Variants in PDE3A observed in about 807,000 individuals in gnomAD.
PDE3A encodes the protein phosphodiesterase 3A.
PDE3A carries 43 observed loss-of-function variants against 98.3 expected under a neutral mutation model. That is an observed-to-expected ratio of 0.44 (90% confidence interval 0.34 to 0.56). The LOEUF is 0.56. Ranked by LOEUF, PDE3A falls within the 20% of genes least tolerant of loss-of-function variation. The pLI is 0.01. For synonymous variants in PDE3A, 663 were observed against 567.9 expected (o/e 1.17, Z -2.38); for missense variants, 1,427 against 1,440.7 (o/e 0.99, Z 0.15).
intron 2 of PDE3A, among the ~76,000 whole-genome samples, chr12:20,579,932 A>C (rs1239583216): frequency 2.0e-5 from 3 of 152,208 alleles, no homozygotes; most frequent in Non-Finnish European, 2.9e-5. Context: ...AAAAGTACCA[A>C]CTGAAAGGCT....
At chr12:20,426,358 T>C (rs1364790309) in intron 1 of PDE3A, among the ~76,000 whole-genome samples, 2 of 152,090 alleles carry the variant, frequency 1.3e-5, no homozygotes, top group Non-Finnish European at 2.9e-5. Context: ...ATGTTGCAAC[T>C]GCTTAAAAGA....
rs74065095 is a variant in PDE3A, at chr12:20,443,676, A to G, written c.960+73432A>G. On this transcript the variant is annotated intron_variant, in intron 1 of 15. Transcript: ENST00000359062. ...AGTAATTATGTTGAAAATTATAAACAGAGGCATTAGCATAAATTAAGGATT... is the reference window on the plus strand; with the variant it reads ...AGTAATTATGTTGAAAATTATAAACGGAGGCATTAGCATAAATTAAGGATT... Among the ~76,000 whole-genome samples, 1,176 of 152,324 alleles carry G rather than the reference A, an allele frequency of 7.7e-3. 10 individuals carry two copies. The highest frequency in any genetic ancestry group is 0.027 in the African/African-American group (1,125 of 41,580).
intron 1 of PDE3A, among the ~76,000 whole-genome samples, chr12:20,383,815 C>T (rs1293769542): frequency 2.0e-5 from 3 of 151,886 alleles, no homozygotes; most frequent in Non-Finnish European, 1.5e-5. Context: ...CTGCAAGACT[C>T]GTTCTGAGGC....
At position 20,687,071 on chromosome 12, in the gene PDE3A, T is replaced by G. The variant is rs1945986102; in HGVS notation, c.*6800T>G. ...GTTTGAAAACTGCTACTTGAATAAC[T>G]TTTGAAGAGAAAGATTTTCTTTCCG... On this transcript the variant is annotated 3_prime_UTR_variant, in exon 16 of 16. Transcript: ENST00000359062. Among the ~76,000 whole-genome samples the G allele has an allele frequency of 6.6e-6, 1 of 152,138 alleles. No individual in the cohort carries two copies. The highest frequency in any genetic ancestry group is 6.5e-5 in the Admixed American group (1 of 15,268).
At chr12:20,661,874 C>G (rs1159310635) in intron 15 of PDE3A, among the ~76,000 whole-genome samples, 2 of 144,252 alleles carry the variant, frequency 1.4e-5, no homozygotes, top group Non-Finnish European at 3.1e-5. Flanking sequence ...AGAGTTACTA[C>G]TGGGGCAGTG....
chr12:20,465,656 G>T (rs943934914), intron 1 of PDE3A, among the ~76,000 whole-genome samples: 1 of 152,052 alleles, frequency 6.6e-6, no homozygotes, highest in Admixed American at 6.6e-5. Context: ...TAATCTGCCC[G>T]CCTCAGCCTC....
intron 1 of PDE3A, among the ~76,000 whole-genome samples, chr12:20,556,041 A>G (rs1386977173): frequency 1.3e-5 from 2 of 151,958 alleles, no homozygotes; most frequent in African/African-American, 4.8e-5. Flanking sequence ...TAATATTCTT[A>G]ATGTTAAATG....
intron 1 of PDE3A, among the ~76,000 whole-genome samples, chr12:20,472,828 A>G (rs184595207): frequency 1.3e-5 from 2 of 152,340 alleles, no homozygotes; most frequent in Admixed American, 6.5e-5. Flanking sequence ...ATCTAAAGGC[A>G]TTAAATATCT....
intron 6 of PDE3A, 48 bp downstream of exon 6, chr12:20,630,175 T>A (rs911351289): frequency 1.5e-6 from 2 of 1,359,068 alleles, no homozygotes; most frequent in African/African-American, 2.9e-5. Context: ...ACGATGATAG[T>A]TTTCCCCTAG....
At chr12:20,376,095 A>T (rs181521085) in intron 1 of PDE3A, among the ~76,000 whole-genome samples, 1 of 152,030 alleles carries the variant, frequency 6.6e-6, no homozygotes, top group Admixed American at 6.6e-5. Flanking sequence ...ATAATATTTC[A>T]TTTAGGACAT....
chr12:20,488,955 C>T (rs925744148), intron 1 of PDE3A, among the ~76,000 whole-genome samples: 3 of 151,470 alleles, frequency 2.0e-5, no homozygotes, highest in African/African-American at 4.9e-5. Flanking sequence ...TATCCAGGTT[C>T]AAAGCGATAT....
At position 20,644,260 on chromosome 12, in the gene PDE3A, G is replaced by C. The variant is rs1485040983; in HGVS notation, c.2252-2230G>C. ...TTCTTACAAATCCAGCATTGATTCT[G>C]GGAGAAAGCTGGTGATCTATACTAG... On this transcript the variant is annotated intron_variant, in intron 10 of 15. Transcript: ENST00000359062. 5.3e-5 allele frequency among the ~76,000 whole-genome samples: 8 copies of C among 152,222 alleles called. No homozygotes were observed. In the East Asian group the frequency reaches 9.7e-4, roughly 18 times the overall value.
intron 1 of PDE3A, among the ~76,000 whole-genome samples, chr12:20,533,478 C>CTTTTTT (rs10707682): frequency 6.1e-4 from 76 of 124,608 alleles, no homozygotes; most frequent in East Asian, 1.1e-3. Flanking sequence ...GTTTCTTTTT[C>CTTTTTT]TTTTTTTTTT....
chr12:20,464,714 GT>G (rs1945309991), intron 1 of PDE3A, among the ~76,000 whole-genome samples: 2 of 152,260 alleles, frequency 1.3e-5, no homozygotes, highest in Non-Finnish European at 1.5e-5. Context: ...TCCTTGAAGA[GT>G]GAGTGCAGGA....
chr12:20,583,465 A>G (rs866630179), intron 2 of PDE3A, among the ~76,000 whole-genome samples: 3 of 152,122 alleles, frequency 2.0e-5, no homozygotes, highest in Middle Eastern at 3.2e-3. Flanking sequence ...TTTGATAAGA[A>G]TAGCGTTAAA....
intron 1 of PDE3A, among the ~76,000 whole-genome samples, chr12:20,437,705 A>G (rs2120828174): frequency 6.6e-6 from 1 of 152,290 alleles, no homozygotes; most frequent in Middle Eastern, 3.4e-3. Flanking sequence ...CCTGTCCCCC[A>G]TGATCTCATC....
At chr12:20,487,767 T>G (rs1945757320) in intron 1 of PDE3A, among the ~76,000 whole-genome samples, 2 of 152,004 alleles carry the variant, frequency 1.3e-5, no homozygotes, top group Non-Finnish European at 1.5e-5. Flanking sequence ...TGTTAGTAAA[T>G]GAGATTGCTG....
intron 1 of PDE3A, among the ~76,000 whole-genome samples, chr12:20,509,770 A>G (rs1278052896): frequency 6.6e-6 from 1 of 151,706 alleles, no homozygotes; most frequent in Non-Finnish European, 1.5e-5. Flanking sequence ...GGAAATAAAC[A>G]AAAAATGAAG....
chr12:20,614,298 G>A (rs969860438), intron 3 of PDE3A, among the ~76,000 whole-genome samples: 10 of 152,114 alleles, frequency 6.6e-5, no homozygotes, highest in Non-Finnish European at 1.2e-4. Context: ...TATGGCATGA[G>A]TTTTATGAAA....
Sources: gnomAD v4.1 joint callset for allele counts (sites outside exome capture counted in the v4.1 genomes callset) on GRCh38, gnomAD v4.1.1 for gene constraint, MANE v1.5 for transcripts, NCBI Gene and HGNC (gene_info 2026-07-23, HGNC 2026-07-21) for gene names.